The following RIMS1 variants were observed in gnomAD, a reference collection of about 807,000 sequenced individuals.
The protein encoded by RIMS1 is regulating synaptic membrane exocytosis protein 1.
Under a neutral mutation model 214.1 loss-of-function variants are expected in RIMS1, and 83 were observed. The ratio of observed to expected loss-of-function variants is 0.39; its 90% CI spans 0.32 to 0.47. The LOEUF (loss-of-function observed/expected upper bound fraction) is 0.47, where lower values mean the gene tolerates loss of function less well. Among genes scored for constraint, RIMS1 ranks in the 20% least tolerant of loss-of-function variants. RIMS1 has a pLI of 0.99. For missense variants in RIMS1, 2,050 were observed against 2,161.8 expected (o/e 0.95, Z 1.03); for synonymous variants, 793 against 786.8 (o/e 1.01, Z -0.13).
intron 4 of RIMS1, among the ~76,000 whole-genome samples, chr6:72,166,545 T>C (rs903820546): frequency 6.6e-6 from 1 of 152,032 alleles, no homozygotes; most frequent in Admixed American, 6.6e-5. Context: ...TGAATTTTGG[T>C]TTTTTGGGTA....
chr6:71,964,776 G>A (rs1047034712), intron 1 of RIMS1, among the ~76,000 whole-genome samples: 29 of 152,164 alleles, frequency 1.9e-4, no homozygotes, highest in Non-Finnish European at 4.3e-4. Flanking sequence ...GCAGTTAGAT[G>A]TTAGAGTTAA....
chr6:72,251,259 T>C lies in RIMS1; in HGVS notation c.2589T>C (p.His863=), dbSNP rs1395735933. 6 of 1,599,068 alleles carry C rather than the reference T, an allele frequency of 3.8e-6. No individual in the cohort carries two copies. The highest frequency in any genetic ancestry group is 5.1e-6 in the Non-Finnish European group (6 of 1,171,880). The change falls in exon 15 of 34, where the codon CAT becomes CAC. Residue 863 remains histidine (H), a synonymous_variant. Transcript: ENST00000521978. ...CAGCGCTTTTAGATGATGAACCGCATTGGTATAAACTTCAGACACATGATG... is the reference window on the plus strand; with the variant it reads ...CAGCGCTTTTAGATGATGAACCGCACTGGTATAAACTTCAGACACATGATG... ...LETALLDDEP[H]WYKLQTHDES...
intron 16 of RIMS1, among the ~76,000 whole-genome samples, chr6:72,253,257 G>T (rs888554804): frequency 6.6e-6 from 1 of 152,138 alleles, no homozygotes; most frequent in Non-Finnish European, 1.5e-5. Context: ...GCATGGCGGG[G>T]TTTAAAATTG....
intron 9 of RIMS1, 41 bp from the exon 10 acceptor site, chr6:72,242,273 A>T: frequency 7.1e-7 from 1 of 1,414,158 alleles, no homozygotes; most frequent in Non-Finnish European, 9.7e-7. Context: ...AAATAAACAG[A>T]ATATATAAGG....
At chr6:72,011,585 C>T (rs1476869001) in intron 2 of RIMS1, among the ~76,000 whole-genome samples, 3 of 152,100 alleles carry the variant, frequency 2.0e-5, no homozygotes, top group Non-Finnish European at 4.4e-5. Context: ...ACTCATCTGA[C>T]AAAGGGCTAA....
Position 72,333,672 on chromosome 6 carries a change from C to A in RIMS1, c.4203C>A (p.Val1401=). The part of the protein sequence containing the change: ...SGRSIMKSTS[V]SGEMYTLEHN... ...GATCCATCATGAAGAGCACCAGTGT[C>A]AGTGGAGAGATGTACACACTGGAGC... The change falls in exon 29 of 34, where the codon GTC becomes GTA. Residue 1401 remains valine, a synonymous_variant. Coordinates refer to ENST00000521978, the MANE Select transcript of RIMS1 (RefSeq NM_014989.7). The A allele has an allele frequency of 6.3e-7, 1 of 1,596,394 alleles. No individual in the cohort carries two copies.
At chr6:72,012,500 T>A (rs1467762916) in intron 2 of RIMS1, among the ~76,000 whole-genome samples, 2 of 151,984 alleles carry the variant, frequency 1.3e-5, no homozygotes, top group East Asian at 3.9e-4. Flanking sequence ...GAAAAAATTA[T>A]GAAGTTGAAA....
chr6:72,248,242 C>T, intron 12 of RIMS1, 115 bp downstream of exon 12: 1 of 594,484 alleles, frequency 1.7e-6, no homozygotes, highest in East Asian at 2.7e-5. Context: ...AGTCATTTAA[C>T]ACCATAATCT....
chr6:72,171,250 TTAAA>T (rs1223163116), intron 4 of RIMS1, among the ~76,000 whole-genome samples: 14 of 151,384 alleles, frequency 9.2e-5, no homozygotes, highest in Non-Finnish European at 1.8e-4. Flanking sequence ...TGTAGAAACT[TTAAA>T]TAATGTAATA....
intron 2 of RIMS1, among the ~76,000 whole-genome samples, chr6:71,985,745 C>T (rs72929599): frequency 0.067 from 10,212 of 152,226 alleles, 395 homozygotes; most frequent in Non-Finnish European, 0.083. Context: ...TGCAAACACA[C>T]TCTGTTGAGT....
intron 4 of RIMS1, among the ~76,000 whole-genome samples, chr6:72,138,769 A>G (rs146089570): frequency 6.6e-6 from 1 of 152,234 alleles, no homozygotes; most frequent in African/African-American, 2.4e-5. Flanking sequence ...CATTTTCACT[A>G]TCAGATTGAC....
chr6:72,182,933 A>C lies in RIMS1; in HGVS notation c.1462A>C (p.Lys488Gln). The C allele has an allele frequency of 6.3e-7, 1 of 1,586,542 alleles. No homozygotes were observed. The highest frequency in any genetic ancestry group is 8.6e-7 in the Non-Finnish European group (1 of 1,167,754). Reference sequence around the variant, plus strand: ...CTCGGCGGTCCTCATGCGGAAGGCCAAGCGCGAGAAGGTGGAGACCATGCT... The same window carrying C: ...CTCGGCGGTCCTCATGCGGAAGGCCCAGCGCGAGAAGGTGGAGACCATGCT... ...PSSAVLMRKAKREKVETMLRN... is the reference protein window; with the variant it reads ...PSSAVLMRKAQREKVETMLRN... The change falls in exon 6 of 34, where the codon AAG becomes CAG. Residue 488 changes from lysine to glutamine, a missense_variant. Lys to Gln is a moderately conservative substitution (Grantham distance 53). Around this residue, in one of 6 missense-constraint regions of RIMS1, gnomAD observed 882 missense variants for 828.9 expected, o/e 1.06. Coordinates refer to ENST00000521978, the MANE Select transcript of RIMS1 (RefSeq NM_014989.7).
At chr6:71,910,706 G>C (rs1001665271) in intron 1 of RIMS1, among the ~76,000 whole-genome samples, 11 of 152,170 alleles carry the variant, frequency 7.2e-5, no homozygotes, top group African/African-American at 2.4e-4. Flanking sequence ...GCCTCTGGCA[G>C]AGTGCACACA....
At position 72,307,385 on chromosome 6, in the gene RIMS1, A is replaced by T; in HGVS notation, c.3963+15A>T. 6.8e-7 allele frequency: 1 copy of T among 1,475,556 alleles called. No homozygotes were observed. Among genetic ancestry groups the T allele is most frequent in the Non-Finnish European group, 9.3e-7 (1 of 1,069,902 alleles). The allele number at this position is 1,475,556 out of a possible 1,614,324, so 91.4% of individuals were successfully genotyped here. A position where few individuals can be genotyped will look rare whatever the true frequency, so the allele number is the denominator to read the frequency against. ...AATATTCCAAGGTAAAATTAGTAGT[A>T]TCCAACAAATAGTTTCCCTTTTAAA... is the stretch of plus-strand genomic sequence containing the variant. On this transcript the variant is annotated intron_variant, in intron 27 of 33. Transcript: ENST00000521978.
chr6:71,965,495 T>C (rs1167275654), intron 1 of RIMS1, among the ~76,000 whole-genome samples: 1 of 152,244 alleles, frequency 6.6e-6, no homozygotes, highest in Non-Finnish European at 1.5e-5. Context: ...TGCAGGCTTG[T>C]GGCAATGTTA....
chr6:71,940,122 T>A (rs1295417700), intron 1 of RIMS1, among the ~76,000 whole-genome samples: 4 of 152,196 alleles, frequency 2.6e-5, no homozygotes, highest in African/African-American at 9.6e-5. Context: ...TAATGATCAT[T>A]CTTATTAGGA....
chr6:72,023,674 T>G (rs974494206), intron 2 of RIMS1, among the ~76,000 whole-genome samples: 2 of 152,100 alleles, frequency 1.3e-5, no homozygotes, highest in African/African-American at 2.4e-5. Context: ...AGTCAAGAAT[T>G]TCATTGATTT....
chr6:72,284,076 T>G lies in RIMS1; in HGVS notation c.3512T>G (p.Ile1171Ser). The change falls in exon 24 of 34, where the codon ATC becomes AGC. Residue 1171 changes from isoleucine to serine, a missense_variant. By Grantham distance (142) the Ile-to-Ser change is moderately radical. Coordinates refer to ENST00000521978, the MANE Select transcript of RIMS1 (RefSeq NM_014989.7). ...RHSRKSERSS[I>S]QKQTRKGTAS... ...TCCAGAAAGTCTGAAAGATCTAGCATCCAAAAACAGACTAGGAAAGGCACT... is the reference window on the plus strand; with the variant it reads ...TCCAGAAAGTCTGAAAGATCTAGCAGCCAAAAACAGACTAGGAAAGGCACT... 6.2e-7 allele frequency: 1 copy of G among 1,613,222 alleles called. No individual in the cohort carries two copies. Among genetic ancestry groups the G allele is most frequent in the Non-Finnish European group, 8.5e-7 (1 of 1,179,328 alleles).
At chr6:72,041,633 A>T (rs146886682) in intron 2 of RIMS1, among the ~76,000 whole-genome samples, 16 of 151,972 alleles carry the variant, frequency 1.1e-4, no homozygotes, top group African/African-American at 3.9e-4. Flanking sequence ...TCCCTCTTCC[A>T]TGCAAGTGAG....
Sources: allele counts gnomAD v4.1 joint callset (sites outside exome capture counted in the v4.1 genomes callset), GRCh38; gene constraint gnomAD v4.1.1; regional missense constraint gnomAD v4.1.1; transcripts MANE v1.5; gene names NCBI Gene and HGNC (gene_info 2026-07-23, HGNC 2026-07-21).